CCDC85A: variants seen among roughly 807,000 people sequenced by gnomAD.
The protein encoded by CCDC85A is coiled-coil domain containing 85A.
CCDC85A carries 38 observed loss-of-function variants against 50.2 expected under a neutral mutation model. The observed-to-expected ratio is 0.76, with a 90% CI of 0.58 to 0.99. CCDC85A has a LOEUF of 0.99. Among genes scored for constraint, CCDC85A ranks in the 50% least tolerant of loss-of-function variants. The probability of loss-of-function intolerance (pLI) is 0.00; values close to 1 mark genes in which losing one functional copy is unlikely to be tolerated. For synonymous variants in CCDC85A, 366 were observed against 301.4 expected, an observed-to-expected ratio of 1.21 and a Z score of -2.22; for missense variants, 820 against 742.0, an observed-to-expected ratio of 1.11 and a Z score of -1.22.
At chr2:56,278,141 G>C (rs1671042800) in intron 2 of CCDC85A, among the ~76,000 whole-genome samples, 1 of 152,178 alleles carries the variant, frequency 6.6e-6, no homozygotes, top group African/African-American at 2.4e-5. Flanking sequence ...ATTAGAACCT[G>C]TGTGTCTTTA....
At chr2:56,226,717 C>T (rs1484424836) in intron 2 of CCDC85A, among the ~76,000 whole-genome samples, 3 of 151,970 alleles carry the variant, frequency 2.0e-5, no homozygotes, top group Admixed American at 2.0e-4. Context: ...CAACCATTCC[C>T]CAGCCCTCCT....
chr2:56,377,404 T>A (rs532264875), intron 5 of CCDC85A, among the ~76,000 whole-genome samples: 2 of 152,324 alleles, frequency 1.3e-5, no homozygotes, highest in African/African-American at 4.8e-5. Context: ...TTATAGCATC[T>A]GCACACACTC....
In CCDC85A at chr2:56,184,521, C is replaced by T. The variant is rs1391732560; in HGVS notation, c.-104C>T. 1 of 1,224,216 alleles carries T rather than the reference C, an allele frequency of 8.2e-7. No individual in the cohort carries two copies. Among genetic ancestry groups the T allele is most frequent in the Non-Finnish European group, 1.0e-6 (1 of 967,994 alleles). The allele number at this position is 1,224,216 out of a possible 1,614,324, so 75.8% of individuals were successfully genotyped here. ...GCCCCTGGGCGGTGCCGCTGACTCG[C>T]CGGAGCGCACAGGGGTGTGGGCGGA... On this transcript the variant is annotated 5_prime_UTR_variant, in exon 1 of 6. Coordinates refer to ENST00000407595, the MANE Select transcript of CCDC85A (RefSeq NM_001080433.2).
chr2:56,219,042 T>G (rs972099623), intron 2 of CCDC85A, among the ~76,000 whole-genome samples: 1 of 151,476 alleles, frequency 6.6e-6, no homozygotes, highest in South Asian at 2.1e-4. Context: ...CTATTTTTTT[T>G]GAATGAACTG....
intron 2 of CCDC85A, among the ~76,000 whole-genome samples, chr2:56,289,380 G>C (rs1671596895): frequency 6.6e-6 from 1 of 152,168 alleles, no homozygotes; most frequent in Non-Finnish European, 1.5e-5. Context: ...ATGAACACTA[G>C]GGGATGCAGT....
chr2:56,285,115 T>C (rs1671374500), intron 2 of CCDC85A, among the ~76,000 whole-genome samples: 1 of 151,224 alleles, frequency 6.6e-6, no homozygotes, highest in Non-Finnish European at 1.5e-5. Context: ...TTTTTTTTTC[T>C]CTTTTACATG....
intron 2 of CCDC85A, among the ~76,000 whole-genome samples, chr2:56,260,091 C>A (rs1670157440): frequency 6.6e-6 from 1 of 152,166 alleles, no homozygotes; most frequent in Non-Finnish European, 1.5e-5. Flanking sequence ...GAAGTAGGAT[C>A]TGAAGGGAAC....
intron 2 of CCDC85A, among the ~76,000 whole-genome samples, chr2:56,240,785 T>A (rs1370093937): frequency 6.6e-6 from 1 of 152,178 alleles, no homozygotes; most frequent in Non-Finnish European, 1.5e-5. Flanking sequence ...CATCAATTGA[T>A]GAAAATTTTA....
Position 56,192,604 on chromosome 2 carries a change from G to A in CCDC85A, c.404G>A (p.Gly135Glu). 6.2e-7 allele frequency: 1 copy of A among 1,613,936 alleles called. No individual in the cohort carries two copies. The highest frequency in any genetic ancestry group is 8.5e-7 in the Non-Finnish European group (1 of 1,179,868). Residue 135 changes from glycine to glutamate, a missense_variant, in exon 2 of 6, where the codon GGG becomes GAG. By Grantham distance (98) the Gly-to-Glu change is moderately conservative. Transcript: ENST00000407595. This position sits in a 1 kb window ranked among gnomAD's most constrained non-coding sequence, Gnocchi z 4.7. ...CAGAGACTGGGTCGCTACACTGCCG[G>A]GGTGATGCACAAGGAAGTGGCCTTA... ...EWQRLGRYTA[G>E]VMHKEVALYL... is the part of the protein sequence containing the mutation.
chr2:56,227,583 T>C (rs1242550361), intron 2 of CCDC85A, among the ~76,000 whole-genome samples: 1 of 152,190 alleles, frequency 6.6e-6, no homozygotes, highest in African/African-American at 2.4e-5. Context: ...TTGTCCAGTC[T>C]ACCTGTGTGT....
chr2:56,220,513 C>T lies in CCDC85A; in HGVS notation c.1240+27073C>T, dbSNP rs114098792. On this transcript the variant is annotated intron_variant, in intron 2 of 5. Transcript: ENST00000407595. ...TGAAGAAAGACAATTGTACTTTCAACGAATGAGGGCAGAAAACCACAGACA... is the reference window on the plus strand; with the variant it reads ...TGAAGAAAGACAATTGTACTTTCAATGAATGAGGGCAGAAAACCACAGACA... 2.5e-3 allele frequency among the ~76,000 whole-genome samples: 374 copies of T among 152,104 alleles called. 2 individuals are homozygous for T. The highest frequency in any genetic ancestry group is 8.6e-3 in the African/African-American group (358 of 41,520).
chr2:56,302,668 C>T (rs139761889), intron 2 of CCDC85A, among the ~76,000 whole-genome samples: 5 of 152,270 alleles, frequency 3.3e-5, no homozygotes, highest in African/African-American at 1.2e-4. Context: ...TACAAAGTCA[C>T]CTTTCTTTAT....
At chr2:56,344,859 T>G (rs1395411903) in intron 3 of CCDC85A, among the ~76,000 whole-genome samples, 1 of 152,100 alleles carries the variant, frequency 6.6e-6, no homozygotes, top group Admixed American at 6.5e-5. Context: ...ATTTTTGTTC[T>G]TAGTTTCCTT....
chr2:56,241,337 C>T (rs1315009544), intron 2 of CCDC85A, among the ~76,000 whole-genome samples: 1 of 152,064 alleles, frequency 6.6e-6, no homozygotes, highest in Non-Finnish European at 1.5e-5. Flanking sequence ...TCCAGTTATA[C>T]TCTTTTAGGT....
At chr2:56,227,439 G>C (rs1668588051) in intron 2 of CCDC85A, among the ~76,000 whole-genome samples, 1 of 152,146 alleles carries the variant, frequency 6.6e-6, no homozygotes, top group South Asian at 2.1e-4. Context: ...GCCTGGAGGG[G>C]AAGAGAAATG....
At chr2:56,269,145 G>A (rs573626213) in intron 2 of CCDC85A, among the ~76,000 whole-genome samples, 1 of 152,166 alleles carries the variant, frequency 6.6e-6, no homozygotes, top group African/African-American at 2.4e-5. Flanking sequence ...GCATCTTTGG[G>A]CCACAACACA....
At chr2:56,184,956 G>C in intron 1 of CCDC85A, 56 bp downstream of exon 1, 1 of 1,435,950 alleles carries the variant, frequency 7.0e-7, no homozygotes, top group Non-Finnish European at 9.1e-7. Flanking sequence ...GTGCCCCGAG[G>C]AGGAGGCGGG....
intron 2 of CCDC85A, among the ~76,000 whole-genome samples, chr2:56,324,263 G>A (rs1035956068): frequency 6.6e-6 from 1 of 152,078 alleles, no homozygotes; most frequent in African/African-American, 2.4e-5. Flanking sequence ...GGAGAAGGGT[G>A]TATTTATGGA....
At chr2:56,274,462 T>C (rs371296719) in intron 2 of CCDC85A, among the ~76,000 whole-genome samples, 79 of 152,300 alleles carry the variant, frequency 5.2e-4, no homozygotes, top group African/African-American at 1.9e-3. Context: ...GAGGCTCAGG[T>C]AGGGTTTCTG....
Sources: allele counts gnomAD v4.1 joint callset (sites outside exome capture counted in the v4.1 genomes callset), GRCh38; gene constraint gnomAD v4.1.1; non-coding constraint Gnocchi (gnomAD v3.1); transcripts MANE v1.5; gene names NCBI Gene and HGNC (gene_info 2026-07-23, HGNC 2026-07-21).